The following HDAC9 variants were observed in gnomAD, a reference collection of about 807,000 sequenced individuals.
The protein encoded by HDAC9 is histone deacetylase 9, also known as MEF-2 interacting transcription repressor (MITR) protein.
In HDAC9, 41 loss-of-function variants were observed where a neutral mutation model predicts 139.4. The observed-to-expected ratio is 0.29, with a 90% CI of 0.23 to 0.38. The LOEUF is 0.38. Ranked by LOEUF, HDAC9 falls within the 10% of genes least tolerant of loss-of-function variation. HDAC9 has a pLI of 1.00. For missense variants in HDAC9, 1,147 were observed against 1,297.0 expected (o/e 0.88, Z 1.78); for synonymous variants, 517 against 476.2 (o/e 1.09, Z -1.12).
intron 2 of HDAC9, among the ~76,000 whole-genome samples, chr7:18,513,751 G>T (rs745902055): frequency 6.6e-6 from 1 of 152,174 alleles, no homozygotes; most frequent in Non-Finnish European, 1.5e-5. Flanking sequence ...CTAGATTACC[G>T]TTAGGTCCCT....
chr7:18,843,032 T>C (rs1796687204), intron 21 of HDAC9, among the ~76,000 whole-genome samples: 2 of 152,140 alleles, frequency 1.3e-5, no homozygotes, highest in South Asian at 4.1e-4. Flanking sequence ...TCGGATCAGC[T>C]ATAAAAATTT....
At chr7:18,437,368 G>T (rs1310167622) in intron 1 of HDAC9, among the ~76,000 whole-genome samples, 1 of 152,098 alleles carries the variant, frequency 6.6e-6, no homozygotes, top group Non-Finnish European at 1.5e-5. Context: ...AATCACCAGT[G>T]TGTATCTCTG....
chr7:18,202,333 A>G (rs946465536), intron 2 of HDAC9, among the ~76,000 whole-genome samples: 1 of 152,180 alleles, frequency 6.6e-6, no homozygotes, highest in African/African-American at 2.4e-5. Flanking sequence ...CTTTCAAGAT[A>G]CTTACTTATG....
At chr7:18,356,649 G>C (rs907377734) in intron 1 of HDAC9, among the ~76,000 whole-genome samples, 1 of 152,104 alleles carries the variant, frequency 6.6e-6, no homozygotes, top group Non-Finnish European at 1.5e-5. Flanking sequence ...CCTTTAGAGA[G>C]CTTGATTTTT....
chr7:18,435,854 A>T (rs1791147261), intron 1 of HDAC9, among the ~76,000 whole-genome samples: 1 of 150,384 alleles, frequency 6.6e-6, no homozygotes, highest in Admixed American at 6.7e-5. Flanking sequence ...ACATGTTGCT[A>T]AGTGAAAAGA....
intron 12 of HDAC9, among the ~76,000 whole-genome samples, chr7:18,684,153 G>T (rs764536825): frequency 2.0e-5 from 3 of 151,736 alleles, no homozygotes; most frequent in Non-Finnish European, 4.4e-5. Flanking sequence ...ATCTACTTCA[G>T]AGGCTGAGGT....
chr7:18,854,794 G>T (rs1479316158), intron 21 of HDAC9, among the ~76,000 whole-genome samples: 1 of 152,022 alleles, frequency 6.6e-6, no homozygotes, highest in Non-Finnish European at 1.5e-5. Context: ...AATAGTAAAT[G>T]CCATTATTTT....
intron 24 of HDAC9, among the ~76,000 whole-genome samples, chr7:18,960,502 A>G (rs750269042): frequency 6.6e-6 from 1 of 152,162 alleles, no homozygotes; most frequent in Non-Finnish European, 1.5e-5. Context: ...CTAGAAAAGA[A>G]CAAAGGAATG....
intron 2 of HDAC9, among the ~76,000 whole-genome samples, chr7:18,544,340 G>T (rs1418762234): frequency 6.6e-6 from 1 of 152,216 alleles, no homozygotes; most frequent in Non-Finnish European, 1.5e-5. Context: ...ATGGATTTTG[G>T]TGGCACTTTG....
intron 24 of HDAC9, among the ~76,000 whole-genome samples, chr7:18,970,557 A>T (rs763510351): frequency 6.6e-6 from 1 of 152,156 alleles, no homozygotes; most frequent in Non-Finnish European, 1.5e-5. Flanking sequence ...TTATGCACCA[A>T]TTTTCAATGT....
At chr7:18,860,343 A>G (rs1798015897) in intron 21 of HDAC9, among the ~76,000 whole-genome samples, 1 of 152,082 alleles carries the variant, frequency 6.6e-6, no homozygotes, top group South Asian at 2.1e-4. Context: ...TTTTAAGAAC[A>G]TTTTACTGTC....
intron 2 of HDAC9, among the ~76,000 whole-genome samples, chr7:18,163,677 A>G (rs1229064449): frequency 1.3e-5 from 2 of 152,124 alleles, no homozygotes; most frequent in Non-Finnish European, 2.9e-5. Context: ...TGCTTATTAC[A>G]ATTATAGTCT....
intron 12 of HDAC9, among the ~76,000 whole-genome samples, chr7:18,686,687 T>C (rs6955959): frequency 0.085 from 12,852 of 151,998 alleles, 1,421 homozygotes; most frequent in African/African-American, 0.26. Context: ...CTGAAGTCTC[T>C]TTAACCTACC....
chr7:18,733,213 C>A (rs926287070), intron 13 of HDAC9, among the ~76,000 whole-genome samples: 4 of 146,354 alleles, frequency 2.7e-5, no homozygotes, highest in Non-Finnish European at 6.0e-5. Flanking sequence ...ATACATGTGT[C>A]TATACGTATA....
At chr7:18,314,046 A>G (rs1445513946) in intron 1 of HDAC9, among the ~76,000 whole-genome samples, 1 of 152,180 alleles carries the variant, frequency 6.6e-6, no homozygotes, top group East Asian at 1.9e-4. Flanking sequence ...GCCAGCTTCC[A>G]AGCAAGAGAT....
chr7:18,810,879 A>G (rs1794121277), intron 17 of HDAC9, among the ~76,000 whole-genome samples: 2 of 151,902 alleles, frequency 1.3e-5, no homozygotes, highest in Admixed American at 1.3e-4. Context: ...TTTTATGAAT[A>G]TGAACTAATT....
chr7:18,272,799 TTGACA>T, intron 2 of HDAC9, among the ~76,000 whole-genome samples: 1 of 152,134 alleles, frequency 6.6e-6, no homozygotes, highest in South Asian at 2.1e-4. Flanking sequence ...TAAATAGAAT[TTGACA>T]AGCTAATTCT....
chr7:18,510,294 C>A (rs886398328), intron 2 of HDAC9, among the ~76,000 whole-genome samples: 10 of 152,032 alleles, frequency 6.6e-5, no homozygotes, highest in Non-Finnish European at 1.3e-4. Context: ...ATAGAAATTT[C>A]CTGGGATATG....
chr7:18,850,644 C>T (rs1562987993), intron 21 of HDAC9, among the ~76,000 whole-genome samples: 1 of 152,176 alleles, frequency 6.6e-6, no homozygotes, highest in African/African-American at 2.4e-5. Flanking sequence ...ATAGAGGCTT[C>T]CCTCGCCATT....
Sources: gnomAD v4.1 joint callset for allele counts (sites outside exome capture counted in the v4.1 genomes callset) on GRCh38, gnomAD v4.1.1 for gene constraint, MANE v1.5 for transcripts, NCBI Gene and HGNC (gene_info 2026-07-23, HGNC 2026-07-21) for gene names.